TAFA1: variants seen among roughly 807,000 people sequenced by gnomAD.
TAFA1 encodes chemokine-like protein TAFA-1.
TAFA1 carries 4 observed loss-of-function variants against 18.5 expected under a neutral mutation model. The ratio of observed to expected loss-of-function variants is 0.22; its 90% CI spans 0.11 to 0.49. TAFA1 has a LOEUF of 0.49. Among genes scored for constraint, TAFA1 ranks in the 20% least tolerant of loss-of-function variants. The pLI is 0.98. For missense variants in TAFA1, 147 were observed against 169.0 expected (o/e 0.87, Z 0.72); for synonymous variants, 56 against 55.2 (o/e 1.01, Z -0.06).
chr3:68,096,556 T>C (rs148159166), intron 2 of TAFA1, among the ~76,000 whole-genome samples: 3 of 152,244 alleles, frequency 2.0e-5, no homozygotes, highest in Admixed American at 2.0e-4. Context: ...TCCTGTAAGG[T>C]AGGAGCATTA....
At chr3:68,010,429 T>C (rs1704449794) in intron 2 of TAFA1, among the ~76,000 whole-genome samples, 2 of 152,142 alleles carry the variant, frequency 1.3e-5, no homozygotes, top group Admixed American at 1.3e-4. Context: ...TTAGGGGAAA[T>C]GGTTAGAGAC....
intron 3 of TAFA1, among the ~76,000 whole-genome samples, chr3:68,485,435 TGCCTCTACTGACAAA>T (rs2072317720): frequency 6.6e-6 from 1 of 152,224 alleles, no homozygotes; most frequent in South Asian, 2.1e-4. Context: ...CATCATTTTT[TGCCTCTACTGACAAA>T]GTCAGAATTT....
intron 2 of TAFA1, among the ~76,000 whole-genome samples, chr3:68,164,437 C>T (rs755519244): frequency 2.8e-4 from 42 of 152,146 alleles, no homozygotes; most frequent in Non-Finnish European, 5.1e-4. Flanking sequence ...TGAATAAATC[C>T]TTTTTGTCCC....
chr3:68,536,907 T>G (rs2073286281), intron 3 of TAFA1, among the ~76,000 whole-genome samples: 1 of 152,202 alleles, frequency 6.6e-6, no homozygotes, highest in African/African-American at 2.4e-5. Flanking sequence ...ATACTCTTGA[T>G]GGTAAGGATA....
chr3:68,519,600 C>T (rs1047030209), intron 3 of TAFA1, among the ~76,000 whole-genome samples: 18 of 152,180 alleles, frequency 1.2e-4, no homozygotes, highest in Non-Finnish European at 2.9e-5. Flanking sequence ...GGCTTATAAA[C>T]AACAGAAACA....
chr3:68,254,704 A>G (rs1187208168), intron 2 of TAFA1, among the ~76,000 whole-genome samples: 1 of 152,118 alleles, frequency 6.6e-6, no homozygotes, highest in Non-Finnish European at 1.5e-5. Context: ...CCCAGGATTT[A>G]ACAGTAGACC....
At chr3:68,344,199 AAAT>A (rs1222792127) in intron 2 of TAFA1, among the ~76,000 whole-genome samples, 1 of 152,164 alleles carries the variant, frequency 6.6e-6, no homozygotes, top group Non-Finnish European at 1.5e-5. Flanking sequence ...AATATCTCTC[AAAT>A]AATGTATATT....
intron 3 of TAFA1, among the ~76,000 whole-genome samples, chr3:68,476,490 C>T (rs2106642239): frequency 6.6e-6 from 1 of 152,220 alleles, no homozygotes; most frequent in South Asian, 2.1e-4. Context: ...AGTTTAACCA[C>T]CTGAAATTTT....
chr3:68,286,846 C>G (rs576767952), intron 2 of TAFA1, among the ~76,000 whole-genome samples: 1 of 152,250 alleles, frequency 6.6e-6, no homozygotes, highest in East Asian at 1.9e-4. Context: ...GAAAAACTCT[C>G]TATTATTTGT....
chr3:68,232,291 C>T (rs1431314147), intron 2 of TAFA1, among the ~76,000 whole-genome samples: 1 of 152,106 alleles, frequency 6.6e-6, no homozygotes, highest in Admixed American at 6.6e-5. Context: ...TTTTTAGCTC[C>T]CCCATATGAG....
chr3:68,406,768 G>C (rs547643854), intron 2 of TAFA1, among the ~76,000 whole-genome samples: 4 of 152,326 alleles, frequency 2.6e-5, no homozygotes, highest in Admixed American at 1.3e-4. Context: ...CATTACATGA[G>C]TTCCCTTTCC....
chr3:68,388,723 C>G (rs2070160935), intron 2 of TAFA1, among the ~76,000 whole-genome samples: 1 of 152,014 alleles, frequency 6.6e-6, no homozygotes. Flanking sequence ...ATGAATCATT[C>G]TTAAAAAAGA....
chr3:68,252,710 T>C (rs1261224181), intron 2 of TAFA1, among the ~76,000 whole-genome samples: 1 of 152,180 alleles, frequency 6.6e-6, no homozygotes, highest in Non-Finnish European at 1.5e-5. Context: ...ACTAAACTTA[T>C]GTTATTGCCC....
chr3:68,302,453 A>G (rs900024307), intron 2 of TAFA1, among the ~76,000 whole-genome samples: 2 of 152,216 alleles, frequency 1.3e-5, no homozygotes, highest in African/African-American at 4.8e-5. Context: ...AGCTACTCTG[A>G]AAAATAAACA....
chr3:68,386,418 G>T (rs185381407), intron 2 of TAFA1, among the ~76,000 whole-genome samples: 464 of 151,910 alleles, frequency 3.1e-3, no homozygotes, highest in Non-Finnish European at 5.5e-3. Context: ...TTTTTTAGTT[G>T]TCTCTAGTAT....
At chr3:68,062,117 T>C (rs1409176033) in intron 2 of TAFA1, among the ~76,000 whole-genome samples, 2 of 152,194 alleles carry the variant, frequency 1.3e-5, no homozygotes, top group African/African-American at 4.8e-5. Context: ...TGACTATCAC[T>C]TATTTTTTTC....
At chr3:68,083,828 C>G (rs1156841799) in intron 2 of TAFA1, among the ~76,000 whole-genome samples, 2 of 152,074 alleles carry the variant, frequency 1.3e-5, no homozygotes, top group Non-Finnish European at 2.9e-5. Context: ...TCGGATTTTT[C>G]ATGATCATGC....
At chr3:68,413,322 A>C (rs2070752594) in intron 2 of TAFA1, among the ~76,000 whole-genome samples, 1 of 152,134 alleles carries the variant, frequency 6.6e-6, no homozygotes, top group Non-Finnish European at 1.5e-5. Context: ...CCCATTCTGT[A>C]GGTTGAAACA....
chr3:68,005,586 C>A (rs538760959), intron 1 of TAFA1, among the ~76,000 whole-genome samples: 2 of 151,994 alleles, frequency 1.3e-5, no homozygotes, highest in Admixed American at 6.5e-5. Flanking sequence ...ACGTTTTCAA[C>A]GTATAGTTGA....
Sources: gnomAD v4.1 joint callset for allele counts (sites outside exome capture counted in the v4.1 genomes callset) on GRCh38, gnomAD v4.1.1 for gene constraint, MANE v1.5 for transcripts, NCBI Gene and HGNC (gene_info 2026-07-23, HGNC 2026-07-21) for gene names.